Variants in SNX29 observed in about 807,000 individuals in gnomAD.
The protein encoded by SNX29 is sorting nexin 29, also known as sorting nexin-29.
SNX29 carries 78 observed loss-of-function variants against 102.1 expected under a neutral mutation model. The observed-to-expected ratio is 0.76, with a 90% confidence interval of 0.64 to 0.92. SNX29 has a LOEUF of 0.92. Ranked by LOEUF, SNX29 falls within the 40% of genes least tolerant of loss-of-function variation. The probability of loss-of-function intolerance (pLI) is 0.00; values close to 1 mark genes in which losing one functional copy is unlikely to be tolerated. For synonymous variants in SNX29, 580 were observed against 414.5 expected, an observed-to-expected ratio of 1.40 and a Z score of -4.85; for missense variants, 1,280 against 1,061.7, an observed-to-expected ratio of 1.21 and a Z score of -2.86.
At chr16:12,418,525 T>TTC (rs1393885111) in intron 18 of SNX29, among the ~76,000 whole-genome samples, 1 of 151,512 alleles carries the variant, frequency 6.6e-6, no homozygotes, top group Non-Finnish European at 1.5e-5. Context: ...TTCTTTTCTT[T>TTC]TTTTTTTGAG....
intron 15 of SNX29, among the ~76,000 whole-genome samples, chr16:12,314,743 G>A (rs2080676170): frequency 6.6e-6 from 1 of 152,252 alleles, no homozygotes; most frequent in African/African-American, 2.4e-5. Flanking sequence ...GGGATAGTCA[G>A]CAGTTGCAGT....
At chr16:12,254,276 G>A (rs1250773697) in intron 14 of SNX29, among the ~76,000 whole-genome samples, 3 of 152,164 alleles carry the variant, frequency 2.0e-5, no homozygotes, top group African/African-American at 7.2e-5. Context: ...GTTTCTGAGA[G>A]AGTGAGTGTA....
intron 13 of SNX29, among the ~76,000 whole-genome samples, chr16:12,194,334 G>T (rs1055753476): frequency 1.3e-4 from 20 of 152,164 alleles, no homozygotes; most frequent in South Asian, 2.1e-4. Flanking sequence ...ATTTGACCCT[G>T]TGTTCTGTGA....
intron 18 of SNX29, among the ~76,000 whole-genome samples, chr16:12,407,890 G>A (rs747471405): frequency 1.3e-5 from 2 of 152,190 alleles, no homozygotes; most frequent in African/African-American, 2.4e-5. Flanking sequence ...TGAGATAGGA[G>A]AATTGCTTGA....
chr16:12,202,752 C>T (rs1384180107), intron 14 of SNX29, among the ~76,000 whole-genome samples: 2 of 152,260 alleles, frequency 1.3e-5, no homozygotes, highest in Non-Finnish European at 2.9e-5. Flanking sequence ...CTCATGCTTT[C>T]ATTTTGGGCT....
intron 13 of SNX29, among the ~76,000 whole-genome samples, chr16:12,135,030 G>A (rs982104106): frequency 4.6e-5 from 7 of 152,176 alleles, no homozygotes; most frequent in African/African-American, 1.7e-4. Context: ...GAAGGCATGA[G>A]AGCCAGGAGT....
intron 20 of SNX29, among the ~76,000 whole-genome samples, chr16:12,541,580 C>G (rs2077342870): frequency 6.6e-6 from 1 of 152,144 alleles, no homozygotes; most frequent in South Asian, 2.1e-4. Context: ...CTCTCCATGC[C>G]AGACCTCAAC....
chr16:12,409,489 C>T (rs965618442), intron 18 of SNX29, among the ~76,000 whole-genome samples: 2 of 125,940 alleles, frequency 1.6e-5, no homozygotes, highest in African/African-American at 6.2e-5. Flanking sequence ...AGTGAAGTGG[C>T]GCAATCTTGG....
At chr16:12,543,949 A>C (rs561422588) in intron 20 of SNX29, among the ~76,000 whole-genome samples, 5 of 152,184 alleles carry the variant, frequency 3.3e-5, no homozygotes, top group Non-Finnish European at 7.3e-5. Context: ...CTAAGCGAGG[A>C]GCCTATCTGC....
intron 17 of SNX29, among the ~76,000 whole-genome samples, 197 bp from the exon 18 acceptor site, chr16:12,403,250 GT>G (rs879916284): frequency 0.059 from 8,106 of 137,878 alleles, 330 homozygotes; most frequent in African/African-American, 0.088. Flanking sequence ...GTGTGTGTGT[GT>G]GTGTAGAGAG....
Position 12,195,985 on chromosome 16 carries a change from CTTTTTTTTTT to C in SNX29, c.1596-3603_1596-3594del, listed in dbSNP as rs762409358. Among the ~76,000 whole-genome samples the C allele has an allele frequency of 8.5e-3, 1,004 of 117,966 alleles. 8 individuals carry two copies. Among genetic ancestry groups the C allele is most frequent in the Non-Finnish European group, 0.012 (702 of 56,902 alleles). 77.4% of individuals were successfully genotyped at this position (117,966 alleles called of 152,430 possible). A position where few individuals can be genotyped will look rare whatever the true frequency, so the allele number is the denominator to read the frequency against. ...CCTCATTGAGCCTCAGTTTCTTTTC[CTTTTTTTTTT>C]TTTTTTTTTTTTGAGACAAGGTCTT... On this transcript the variant is annotated intron_variant, in intron 13 of 20. Coordinates refer to ENST00000566228, the MANE Select transcript of SNX29 (RefSeq NM_032167.5).
chr16:12,228,887 CG>C lies in SNX29; in HGVS notation c.1678+29208del, dbSNP rs1461719204. Among the ~76,000 whole-genome samples, 4 of 152,242 alleles carry C rather than the reference CG, an allele frequency of 2.6e-5. No homozygotes were observed. The East Asian group carries it at 7.7e-4, about 29-fold the overall frequency. ...GGACTTCATTGCAAAGCTGGTGATG[CG>C]GGGCAGGCTGCCTCCCTGCAGTGAC... is the stretch of plus-strand genomic sequence containing the variant. On this transcript the variant is annotated intron_variant, in intron 14 of 20. Coordinates refer to ENST00000566228, the MANE Select transcript of SNX29 (RefSeq NM_032167.5).
intron 19 of SNX29, among the ~76,000 whole-genome samples, chr16:12,503,962 A>T (rs985656004): frequency 6.6e-6 from 1 of 152,194 alleles, no homozygotes; most frequent in African/African-American, 2.4e-5. Context: ...CTCTTAGTAT[A>T]TTCAGAGTTG....
At chr16:12,425,554 TAAAAAG>T (rs2085037679) in intron 18 of SNX29, among the ~76,000 whole-genome samples, 1 of 53,180 alleles carries the variant, frequency 1.9e-5, no homozygotes, top group Admixed American at 2.2e-4. Context: ...ATAAAAAAAA[TAAAAAG>T]AGGGAATAGA....
chr16:12,292,589 A>T (rs1032437929), intron 15 of SNX29, among the ~76,000 whole-genome samples: 1 of 152,296 alleles, frequency 6.6e-6, no homozygotes, highest in African/African-American at 2.4e-5. Flanking sequence ...GTGCTCTTCT[A>T]GTTGATTGTA....
chr16:12,310,038 G>GCA (rs963665120), intron 15 of SNX29, among the ~76,000 whole-genome samples: 2 of 73,324 alleles, frequency 2.7e-5, no homozygotes, highest in Non-Finnish European at 5.2e-5. Flanking sequence ...ATGGATGTGT[G>GCA]CACACATATG....
chr16:12,104,677 G>A (rs2141221734), intron 11 of SNX29, among the ~76,000 whole-genome samples: 1 of 152,152 alleles, frequency 6.6e-6, no homozygotes, highest in African/African-American at 2.4e-5. Context: ...TGTGGGTTGG[G>A]GCCATTATTT....
In SNX29 at chr16:12,043,023, A is replaced by T; in HGVS notation, c.374A>T (p.Glu125Val). ...GCCTGGCTGCGCTGTGCCCTCAACGAACACTCCCTGGAGCGCTACCTGCAC... is the reference window on the plus strand; with the variant it reads ...GCCTGGCTGCGCTGTGCCCTCAACGTACACTCCCTGGAGCGCTACCTGCAC... ...GRAWLRCALN[E>V]HSLERYLHML... The change falls in exon 5 of 21, where the codon GAA (glutamate) becomes GTA (valine). Residue 125 changes from glutamate (E) to valine (V), a missense_variant. Coordinates refer to ENST00000566228, the MANE Select transcript of SNX29 (RefSeq NM_032167.5). 6.2e-7 allele frequency: 1 copy of T among 1,613,526 alleles called. No homozygotes were observed. The highest frequency in any genetic ancestry group is 8.5e-7 in the Non-Finnish European group (1 of 1,179,858).
chr16:12,100,779 G>T (rs1225573345), intron 11 of SNX29, among the ~76,000 whole-genome samples: 1 of 151,978 alleles, frequency 6.6e-6, no homozygotes, highest in Non-Finnish European at 1.5e-5. Context: ...GAGTGAGTAG[G>T]GGTGCTGCTG....
Sources: allele counts gnomAD v4.1 joint callset (sites outside exome capture counted in the v4.1 genomes callset), GRCh38; gene constraint gnomAD v4.1.1; transcripts MANE v1.5; gene names NCBI Gene and HGNC (gene_info 2026-07-23, HGNC 2026-07-21).